FBXL5: variants seen among roughly 807,000 people sequenced by gnomAD.
FBXL5 encodes F-box/LRR-repeat protein 5.
Under a neutral mutation model 78.3 loss-of-function variants are expected in FBXL5, and 26 were observed. The ratio of observed to expected loss-of-function variants is 0.33; its 90% CI spans 0.24 to 0.46. The LOEUF (loss-of-function observed/expected upper bound fraction) is 0.46. Among genes scored for constraint, FBXL5 ranks in the 20% least tolerant of loss-of-function variants. FBXL5 has a pLI of 1.00. For synonymous variants in FBXL5, 295 were observed against 282.5 expected (o/e 1.04, Z -0.45); for missense variants, 710 against 829.2 (o/e 0.86, Z 1.77).
intron 1 of FBXL5, among the ~76,000 whole-genome samples, chr4:15,651,264 G>C (rs1262373207): frequency 6.6e-6 from 1 of 152,092 alleles, no homozygotes; most frequent in African/African-American, 2.4e-5. Context: ...ATAAGTAGCA[G>C]AACTAGTAAG....
Position 15,644,535 on chromosome 4 carries a change from G to C in FBXL5, c.258C>G (p.Ser86=). ...CCTTTTCAAAGAGGCTAAGCATCTC[G>C]GAGAGTTTATTGTCAGAATGTACAT... ...IYNVHSDNKL[S]EMLSLFEKGL... is the part of the protein sequence containing the mutation. Residue 86 remains serine (S), a synonymous_variant, in exon 2 of 11, where the codon TCC becomes TCG. Transcript: ENST00000341285. The C allele has an allele frequency of 6.2e-7, 1 of 1,613,902 alleles. No individual in the cohort carries two copies. The highest frequency in any genetic ancestry group is 1.1e-5 in the South Asian group (1 of 91,062).
chr4:15,658,421 G>A (rs1032605092), upstream of FBXL5, among the ~76,000 whole-genome samples: 2 of 152,230 alleles, frequency 1.3e-5, no homozygotes, highest in Admixed American at 6.5e-5. Context: ...GTATTAAGAA[G>A]TGGGGCCTTT....
upstream of FBXL5, among the ~76,000 whole-genome samples, chr4:15,663,335 T>C (rs972234175): frequency 2.0e-5 from 3 of 152,204 alleles, no homozygotes; most frequent in Non-Finnish European, 2.9e-5. Flanking sequence ...CACCTAACAC[T>C]GTATGAAATA....
chr4:15,635,770 A>AC (rs1265612339), intron 5 of FBXL5, among the ~76,000 whole-genome samples: 2 of 151,768 alleles, frequency 1.3e-5, no homozygotes, highest in Non-Finnish European at 2.9e-5. Context: ...AGAAAAAAAA[A>AC]AAAAAAAAAC....
At chr4:15,643,017 T>C (rs1196872034) in intron 2 of FBXL5, among the ~76,000 whole-genome samples, 1 of 152,196 alleles carries the variant, frequency 6.6e-6, no homozygotes, top group Non-Finnish European at 1.5e-5. Flanking sequence ...TTTCTACTAG[T>C]CATGACTTTA....
chr4:15,627,823 C>T, intron 7 of FBXL5, 62 bp downstream of exon 7: 1 of 1,524,794 alleles, frequency 6.6e-7, no homozygotes, highest in Non-Finnish European at 8.8e-7. Context: ...CAGGAATGAG[C>T]AAACCAAACT....
At chr4:15,623,537 G>A (rs1712693281) in intron 9 of FBXL5, among the ~76,000 whole-genome samples, 1 of 151,968 alleles carries the variant, frequency 6.6e-6, no homozygotes, top group Non-Finnish European at 1.5e-5. Context: ...GAATTACGAG[G>A]TTTTAAATTG....
In FBXL5 at chr4:15,614,943, G is replaced by A. The variant is rs1020981119; in HGVS notation, c.1851-2529C>T. On this transcript the variant is annotated intron_variant, in intron 9 of 10. Coordinates refer to ENST00000341285, the MANE Select transcript of FBXL5 (RefSeq NM_012161.4). ...AGGCGCAAGTGGGAACCGGGGCTGC[G>A]TGCGGCGCTTGCGGGCCAGCTGGAG... 5.4e-4 allele frequency among the ~76,000 whole-genome samples: 82 copies of A among 152,132 alleles called. 3 individuals are homozygous for A. Among genetic ancestry groups the A allele is most frequent in the Non-Finnish European group, 8.8e-5 (6 of 68,000 alleles).
intron 10 of FBXL5, among the ~76,000 whole-genome samples, chr4:15,610,814 A>G (rs6828776): frequency 0.76 from 114,852 of 151,994 alleles, 43,655 homozygotes; most frequent in East Asian, 0.91. Flanking sequence ...AAAAATTCAA[A>G]TGCAACATAC....
At chr4:15,612,217 A>T (rs1376302711) in intron 10 of FBXL5, 49 bp downstream of exon 10, 3 of 1,418,590 alleles carry the variant, frequency 2.1e-6, no homozygotes, top group African/African-American at 1.5e-5. Flanking sequence ...TGCTAAAAAA[A>T]ATTTTAAATT....
chr4:15,646,791 C>A (rs559233818), intron 1 of FBXL5, among the ~76,000 whole-genome samples: 1 of 150,350 alleles, frequency 6.7e-6, no homozygotes, highest in East Asian at 2.0e-4. Flanking sequence ...TGAGAACATG[C>A]GGTGTTTGGT....
At position 15,636,691 on chromosome 4, in the gene FBXL5, A is replaced by G. The variant is rs1714320680; in HGVS notation, c.584-15T>C. On this transcript the variant is annotated splice_polypyrimidine_tract_variant and intron_variant, in intron 4 of 10. Coordinates refer to ENST00000341285, the MANE Select transcript of FBXL5 (RefSeq NM_012161.4). ...CACTTCTGCTTCTGAAATAAAAAAG[A>G]AAAACTTTACCAGTAAAGGCTAAAG... 3 of 1,531,710 alleles carry G rather than the reference A, an allele frequency of 2.0e-6. No individual in the cohort carries two copies. In the East Asian group the frequency reaches 6.8e-5, roughly 35 times the overall value. 94.9% of individuals were successfully genotyped at this position (1,531,710 alleles called of 1,614,324 possible). A position where few individuals can be genotyped will look rare whatever the true frequency, so the allele number is the denominator to read the frequency against.
At chr4:15,663,492 TCTTA>T (rs1209266893), upstream of FBXL5, among the ~76,000 whole-genome samples, 1 of 152,186 alleles carries the variant, frequency 6.6e-6, no homozygotes, top group African/African-American at 2.4e-5. Flanking sequence ...TGGTCCACTT[TCTTA>T]CTTACTACCA....
intron 5 of FBXL5, among the ~76,000 whole-genome samples, chr4:15,635,315 A>C (rs1714139028): frequency 6.6e-6 from 1 of 151,596 alleles, no homozygotes; most frequent in African/African-American, 2.4e-5. Flanking sequence ...CCTAGGTGAG[A>C]GTAAAACCCC....
At position 15,644,567 on chromosome 4, in the gene FBXL5, T is replaced by C. The variant is rs1299748042; in HGVS notation, c.226A>G (p.Ile76Val). ...IGLLQQRSQTIYNVHSDNKLS... is the reference protein window; with the variant it reads ...IGLLQQRSQTVYNVHSDNKLS... Reference sequence around the variant, plus strand: ...TTATTGTCAGAATGTACATTATAAATGGTCTGGCTGCGTTGTTGAAGCAAA... The same window carrying C: ...TTATTGTCAGAATGTACATTATAAACGGTCTGGCTGCGTTGTTGAAGCAAA... Residue 76 changes from isoleucine to valine, a missense_variant, in exon 2 of 11, where the codon ATT becomes GTT. Coordinates refer to ENST00000341285, the MANE Select transcript of FBXL5 (RefSeq NM_012161.4). The C allele has an allele frequency of 6.2e-7, 1 of 1,614,034 alleles. No homozygotes were observed. Among genetic ancestry groups the C allele is most frequent in the East Asian group, 2.2e-5 (1 of 44,878 alleles).
At chr4:15,629,306 C>T (rs550332506) in intron 6 of FBXL5, among the ~76,000 whole-genome samples, 4 of 152,094 alleles carry the variant, frequency 2.6e-5, no homozygotes, top group Admixed American at 2.6e-4. Flanking sequence ...ACATTCTTAC[C>T]ACGGGTATTA....
chr4:15,626,044 A>T (rs1713028736), intron 8 of FBXL5, 67 bp from the exon 9 acceptor site: 2 of 1,355,424 alleles, frequency 1.5e-6, no homozygotes, highest in Admixed American at 5.5e-5. Context: ...GACTATATGC[A>T]TGTAGATGAA....
chr4:15,634,588 A>C (rs1239011999), intron 5 of FBXL5, among the ~76,000 whole-genome samples: 2 of 151,600 alleles, frequency 1.3e-5, no homozygotes, highest in Non-Finnish European at 2.9e-5. Flanking sequence ...GCTGGTCTCA[A>C]ACTCCTGAAC....
chr4:15,627,858 C>T (rs563875494), intron 7 of FBXL5, 27 bp downstream of exon 7: 1 of 1,582,464 alleles, frequency 6.3e-7, no homozygotes, highest in African/African-American at 1.5e-5. Flanking sequence ...TTTCTTAATA[C>T]CCAAACTAGT....
Sources: gnomAD v4.1 joint callset for allele counts (sites outside exome capture counted in the v4.1 genomes callset) on GRCh38, gnomAD v4.1.1 for gene constraint, MANE v1.5 for transcripts, NCBI Gene and HGNC (gene_info 2026-07-23, HGNC 2026-07-21) for gene names.